The following CALN1 variants were observed in gnomAD, a reference collection of about 807,000 sequenced individuals.
The protein encoded by CALN1 is calneuron 1.
A neutral mutation model predicts 30.6 loss-of-function variants in CALN1; 17 were observed. The observed-to-expected ratio is 0.56, with a 90% CI of 0.38 to 0.83. The LOEUF (loss-of-function observed/expected upper bound fraction) is 0.83. Ranked by LOEUF, CALN1 falls within the 40% of genes least tolerant of loss-of-function variation. The pLI is 0.00. For missense variants in CALN1, 291 were observed against 354.9 expected (o/e 0.82, Z 1.45); for synonymous variants, 156 against 131.4 (o/e 1.19, Z -1.28).
intron 2 of CALN1, among the ~76,000 whole-genome samples, chr7:72,358,664 T>A (rs934622100): frequency 1.3e-5 from 2 of 152,020 alleles, no homozygotes; most frequent in Non-Finnish European, 2.9e-5. Flanking sequence ...AAAAATAACA[T>A]TGGCGGCCAG....
intron 3 of CALN1, among the ~76,000 whole-genome samples, chr7:72,110,116 T>A (rs1190214456): frequency 6.6e-6 from 1 of 152,214 alleles, no homozygotes; most frequent in Non-Finnish European, 1.5e-5. Flanking sequence ...GTTACTGATA[T>A]GGCTGGACAG....
At chr7:72,323,742 C>T (rs1585487158) in intron 2 of CALN1, among the ~76,000 whole-genome samples, 1 of 151,818 alleles carries the variant, frequency 6.6e-6, no homozygotes, top group African/African-American at 2.4e-5. Flanking sequence ...CCAAACTCAA[C>T]GATCATAATT....
intron 2 of CALN1, among the ~76,000 whole-genome samples, chr7:72,318,869 A>G (rs1484692722): frequency 6.9e-6 from 1 of 144,226 alleles, no homozygotes; most frequent in African/African-American, 2.5e-5. Flanking sequence ...AGTCAAAAGA[A>G]AAAAAAAAAG....
rs538838964 is a variant in CALN1 at position 72,407,796 on chromosome 7, G to A, written c.-74+4262C>T. Reference sequence around the variant, plus strand: ...GAGCTTCTCAGCTCAGATGGGCGCTGGACTGGACACAGGGCCGGATGGAGG... The same window carrying A: ...GAGCTTCTCAGCTCAGATGGGCGCTAGACTGGACACAGGGCCGGATGGAGG... On this transcript the variant is annotated intron_variant, in intron 1 of 6. Transcript: ENST00000395275. 2.0e-5 allele frequency among the ~76,000 whole-genome samples: 3 copies of A among 152,260 alleles called. No individual in the cohort carries two copies. In the South Asian group the frequency reaches 6.2e-4, roughly 32 times the overall value.
chr7:72,036,691 C>G (rs1327914431), intron 4 of CALN1, among the ~76,000 whole-genome samples: 1 of 152,180 alleles, frequency 6.6e-6, no homozygotes, highest in African/African-American at 2.4e-5. Context: ...GGTTTTCTAT[C>G]TCTTTACTGA....
Position 72,295,301 on chromosome 7 carries a change from T to C in CALN1, c.120-16491A>G, listed in dbSNP as rs188453318. On this transcript the variant is annotated intron_variant, in intron 2 of 6. Transcript: ENST00000395275. ...TGAAAATGGAAACAATACTTATTTT[T>C]AAAAATAACAAAAACAATACTTATT... 5.6e-4 allele frequency among the ~76,000 whole-genome samples: 85 copies of C among 152,290 alleles called. 1 individual carries two copies. In the South Asian group the frequency reaches 0.012, roughly 22 times the overall value.
chr7:72,067,176 G>A (rs149487794), intron 4 of CALN1, among the ~76,000 whole-genome samples: 1,655 of 152,286 alleles, frequency 0.011, 15 homozygotes, highest in Non-Finnish European at 0.012. Context: ...GTCAAGTGAC[G>A]CAGAGATGGG....
chr7:72,338,475 G>GTGTT (rs1189325654), intron 2 of CALN1, among the ~76,000 whole-genome samples: 1 of 92,530 alleles, frequency 1.1e-5, no homozygotes, highest in Non-Finnish European at 2.1e-5. Context: ...AGCACAGTGT[G>GTGTT]TGTGTGTGTG....
At chr7:72,389,178 G>A (rs953271068) in intron 2 of CALN1, among the ~76,000 whole-genome samples, 4 of 152,164 alleles carry the variant, frequency 2.6e-5, no homozygotes, top group African/African-American at 9.7e-5. Flanking sequence ...GGGCAACGCA[G>A]GAGCCCCTGT....
At chr7:72,225,168 G>C (rs890398377) in intron 3 of CALN1, among the ~76,000 whole-genome samples, 10 of 151,866 alleles carry the variant, frequency 6.6e-5, no homozygotes, top group African/African-American at 1.9e-4. Flanking sequence ...CCAATGTGGT[G>C]CTTCACAGGC....
intron 4 of CALN1, among the ~76,000 whole-genome samples, chr7:72,078,004 C>T (rs1450748546): frequency 1.3e-5 from 2 of 152,130 alleles, no homozygotes; most frequent in African/African-American, 2.4e-5. Flanking sequence ...TTGTGCTAGG[C>T]CCACAGGTCT....
intron 5 of CALN1, among the ~76,000 whole-genome samples, chr7:71,890,575 T>A (rs1793180540): frequency 6.6e-6 from 1 of 151,948 alleles, no homozygotes; most frequent in South Asian, 2.1e-4. Context: ...ATAGAAAAAA[T>A]TATTAAGAAG....
At chr7:71,850,237 AT>A (rs1790557968) in intron 5 of CALN1, among the ~76,000 whole-genome samples, 1 of 152,092 alleles carries the variant, frequency 6.6e-6, no homozygotes, top group African/African-American at 2.4e-5. Flanking sequence ...TTTCTTGGAG[AT>A]GGAGTCTTGG....
intron 2 of CALN1, among the ~76,000 whole-genome samples, chr7:72,323,345 G>A (rs1322883642): frequency 1.3e-5 from 2 of 152,160 alleles, no homozygotes; most frequent in African/African-American, 4.8e-5. Flanking sequence ...TCAGGAAAAT[G>A]CTTCTCTTAA....
At chr7:71,927,658 T>A (rs1795337021) in intron 5 of CALN1, among the ~76,000 whole-genome samples, 1 of 152,216 alleles carries the variant, frequency 6.6e-6, no homozygotes, top group South Asian at 2.1e-4. Context: ...CTTCCTCTTC[T>A]CTCAGTGATA....
At chr7:72,431,845 CAAAA>C (rs1168420802) in intron 1 of CALN1, among the ~76,000 whole-genome samples, 1 of 100,866 alleles carries the variant, frequency 9.9e-6, no homozygotes, top group Non-Finnish European at 1.9e-5. Context: ...ACCTCATCTC[CAAAA>C]AAAAAAAAAA....
At chr7:72,072,868 C>G (rs1804494445) in intron 4 of CALN1, among the ~76,000 whole-genome samples, 2 of 151,474 alleles carry the variant, frequency 1.3e-5, no homozygotes, top group South Asian at 4.2e-4. Flanking sequence ...AAATATAATC[C>G]CCATGGTAAC....
intron 4 of CALN1, among the ~76,000 whole-genome samples, chr7:72,060,888 A>G (rs185941897): frequency 1.2e-4 from 18 of 152,318 alleles, no homozygotes; most frequent in Admixed American, 1.0e-3. Context: ...TAGCCTACAG[A>G]ACTGTGAGCC....
intron 4 of CALN1, among the ~76,000 whole-genome samples, chr7:72,069,016 C>T (rs1804213112): frequency 6.6e-6 from 1 of 152,222 alleles, no homozygotes; most frequent in South Asian, 2.1e-4. Context: ...TTCTAAGTTG[C>T]AGGAGAGTTC....
Sources: gnomAD v4.1 joint callset for allele counts (sites outside exome capture counted in the v4.1 genomes callset) on GRCh38, gnomAD v4.1.1 for gene constraint, MANE v1.5 for transcripts, NCBI Gene and HGNC (gene_info 2026-07-23, HGNC 2026-07-21) for gene names.